The following UBTD2 variants were observed in gnomAD, a reference collection of about 807,000 sequenced individuals.
The protein encoded by UBTD2 is ubiquitin domain containing 2, also known as ubiquitin domain-containing protein 2.
In UBTD2, 9 loss-of-function variants were observed where a neutral mutation model predicts 19.8. The observed-to-expected ratio is 0.46, with a 90% CI of 0.27 to 0.79. The LOEUF (loss-of-function observed/expected upper bound fraction) is 0.79, where lower values mean the gene tolerates loss of function less well. UBTD2 is among the 30% of genes least tolerant of loss of function. The pLI is 0.14. For missense variants in UBTD2, 250 were observed against 300.4 expected (o/e 0.83, Z 1.24); for synonymous variants, 98 against 103.9 (o/e 0.94, Z 0.35).
chr5:172,220,138 A>G (rs1771622032), intron 2 of UBTD2, among the ~76,000 whole-genome samples: 1 of 152,230 alleles, frequency 6.6e-6, no homozygotes, highest in Non-Finnish European at 1.5e-5. Context: ...CACCATGACC[A>G]AGTAGGCTTT....
intron 2 of UBTD2, among the ~76,000 whole-genome samples, chr5:172,224,851 G>T (rs1771732630): frequency 6.6e-6 from 1 of 152,182 alleles, no homozygotes; most frequent in Non-Finnish European, 1.5e-5. Flanking sequence ...AACCCAGTAT[G>T]TTTAAAGACA....
In UBTD2 at chr5:172,210,816, T is replaced by C. The variant is rs1488251244; in HGVS notation, c.*1014A>G. ...TCTCCCAGGCACAGATAAAATAGGC[T>C]TTCCTTACACCCCTCCATGCAAAGT... On this transcript the variant is annotated 3_prime_UTR_variant, in exon 3 of 3. Transcript: ENST00000393792. 5 of 152,124 alleles carry C rather than the reference T, an allele frequency of 3.3e-5. No homozygotes were observed. Among genetic ancestry groups the C allele is most frequent in the African/African-American group, 1.2e-4 (5 of 41,410 alleles). The allele number at this position is 152,124 out of a possible 1,614,324, so 9.4% of individuals were successfully genotyped here.
intron 2 of UBTD2, among the ~76,000 whole-genome samples, chr5:172,220,934 A>C (rs1771637879): frequency 6.6e-6 from 1 of 152,254 alleles, no homozygotes; most frequent in Non-Finnish European, 1.5e-5. Context: ...CAAGATACAA[A>C]GTTAATATAC....
Position 172,212,122 on chromosome 5 carries a change from G to C in UBTD2, c.413C>G (p.Thr138Ser), listed in dbSNP as rs199700662. 5.0e-6 allele frequency: 8 copies of C among 1,614,132 alleles called. No homozygotes were observed. Among genetic ancestry groups the C allele is most frequent in the Admixed American group, 1.7e-5 (1 of 60,012 alleles). The change falls in exon 3 of 3, where the codon ACT becomes AGT. Residue 138 changes from threonine to serine, a missense_variant. Thr to Ser is a moderately conservative substitution (Grantham distance 58). Transcript: ENST00000393792. ...NMIEEKSDIETLDIPEPPPNS... is the reference protein window; with the variant it reads ...NMIEEKSDIESLDIPEPPPNS... ...GGGTGGTGGCTCAGGAATATCCAGAGTCTCTATGTCGCTCTTTTCCTCTAT... is the reference window on the plus strand; with the variant it reads ...GGGTGGTGGCTCAGGAATATCCAGACTCTCTATGTCGCTCTTTTCCTCTAT...
intron 1 of UBTD2, among the ~76,000 whole-genome samples, chr5:172,244,452 A>C (rs1754819367): frequency 6.6e-6 from 1 of 151,510 alleles, no homozygotes; most frequent in African/African-American, 2.4e-5. Context: ...ATGCGCCACC[A>C]CGCCCGGCTA....
intron 1 of UBTD2, among the ~76,000 whole-genome samples, chr5:172,271,257 C>T (rs997707162): frequency 1.3e-5 from 2 of 151,838 alleles, no homozygotes; most frequent in Non-Finnish European, 2.9e-5. Context: ...AGTGAAACCC[C>T]GTCTCTACTA....
chr5:172,240,905 T>C (rs992715822), intron 1 of UBTD2, among the ~76,000 whole-genome samples: 1 of 152,174 alleles, frequency 6.6e-6, no homozygotes, highest in Non-Finnish European at 1.5e-5. Context: ...GGGCAGCATA[T>C]TGAGACCCTG....
chr5:172,253,594 C>T (rs780872620), intron 1 of UBTD2, among the ~76,000 whole-genome samples: 1 of 152,004 alleles, frequency 6.6e-6, no homozygotes, highest in African/African-American at 2.4e-5. Flanking sequence ...CCTGGGATTA[C>T]AGGCACGCGC....
At chr5:172,234,453 A>C in intron 1 of UBTD2, 95 bp from the exon 2 acceptor site, 2 of 1,077,204 alleles carry the variant, frequency 1.9e-6, no homozygotes, top group Non-Finnish European at 2.7e-6. Flanking sequence ...TTATTTCATC[A>C]AAATCACAGC....
At chr5:172,238,718 A>G (rs1211283053) in intron 1 of UBTD2, among the ~76,000 whole-genome samples, 1 of 152,242 alleles carries the variant, frequency 6.6e-6, no homozygotes, top group Non-Finnish European at 1.5e-5. Flanking sequence ...CATTGGTAAA[A>G]AACAATCAAT....
chr5:172,226,357 T>C (rs527966278), intron 2 of UBTD2, among the ~76,000 whole-genome samples: 1 of 152,222 alleles, frequency 6.6e-6, no homozygotes, highest in Non-Finnish European at 1.5e-5. Flanking sequence ...CATACCCCAT[T>C]TGAATTAGAC....
rs1404004892 is a variant in UBTD2, at chr5:172,234,113, C to T, written c.307+9G>A. 6.2e-7 allele frequency: 1 copy of T among 1,613,464 alleles called. No homozygotes were observed. Among genetic ancestry groups the T allele is most frequent in the African/African-American group, 1.3e-5 (1 of 74,866 alleles). On this transcript the variant is annotated intron_variant, in intron 2 of 2. Coordinates refer to ENST00000393792, the MANE Select transcript of UBTD2 (RefSeq NM_152277.3). Reference sequence around the variant, plus strand: ...TGTTTCCTCTGTCCTTGAGGAACACCAAACCTACCATGTGGTAATGTTATG... The same window carrying T: ...TGTTTCCTCTGTCCTTGAGGAACACTAAACCTACCATGTGGTAATGTTATG...
chr5:172,212,824 C>T (rs1448111207), intron 2 of UBTD2, among the ~76,000 whole-genome samples: 2 of 149,490 alleles, frequency 1.3e-5, no homozygotes, highest in Non-Finnish European at 3.0e-5. Flanking sequence ...GGTACCATAC[C>T]CGGCTAATTT....
chr5:172,261,036 C>G (rs1342647303), intron 1 of UBTD2, among the ~76,000 whole-genome samples: 1 of 152,140 alleles, frequency 6.6e-6, no homozygotes, highest in Non-Finnish European at 1.5e-5. Context: ...ATCCAGGTAA[C>G]TGCCCAAGAC....
At chr5:172,217,475 A>T (rs1037526716) in intron 2 of UBTD2, among the ~76,000 whole-genome samples, 15 of 151,864 alleles carry the variant, frequency 9.9e-5, no homozygotes, top group African/African-American at 3.6e-4. Context: ...AAGAACCTTT[A>T]AAAAAATTTT....
At position 172,250,561 on chromosome 5, in the gene UBTD2, C is replaced by T. The variant is rs1372209159; in HGVS notation, c.71-16203G>A. 2.0e-5 allele frequency among the ~76,000 whole-genome samples: 3 copies of T among 151,998 alleles called. No individual in the cohort carries two copies. In the East Asian group the frequency reaches 5.8e-4, roughly 29 times the overall value. Reference sequence around the variant, plus strand: ...AAAAGTCTTAGGAACTGTTTCAGAGCAAAGCAAACTAAGGGGATATAACTA... The same window carrying T: ...AAAAGTCTTAGGAACTGTTTCAGAGTAAAGCAAACTAAGGGGATATAACTA... On this transcript the variant is annotated intron_variant, in intron 1 of 2. Coordinates refer to ENST00000393792, the MANE Select transcript of UBTD2 (RefSeq NM_152277.3).
intron 1 of UBTD2, among the ~76,000 whole-genome samples, chr5:172,246,651 C>T (rs1482022571): frequency 1.3e-5 from 2 of 150,746 alleles, no homozygotes; most frequent in South Asian, 4.2e-4. Context: ...CCCATGTTGG[C>T]CAGGCTGGTC....
At chr5:172,257,202 G>A (rs1194225551) in intron 1 of UBTD2, among the ~76,000 whole-genome samples, 5 of 152,110 alleles carry the variant, frequency 3.3e-5, no homozygotes, top group Non-Finnish European at 7.4e-5. Flanking sequence ...TGTACTCAAT[G>A]TTTAGCTCCC....
At chr5:172,224,298 CTTTT>C (rs35105814) in intron 2 of UBTD2, among the ~76,000 whole-genome samples, 3 of 121,642 alleles carry the variant, frequency 2.5e-5, no homozygotes, top group African/African-American at 6.2e-5. Context: ...TTTTTCATTT[CTTTT>C]TTTTTTTTTT....
Sources: allele counts gnomAD v4.1 joint callset (sites outside exome capture counted in the v4.1 genomes callset), GRCh38; gene constraint gnomAD v4.1.1; transcripts MANE v1.5; gene names NCBI Gene and HGNC (gene_info 2026-07-23, HGNC 2026-07-21).